SLC25A21: variants seen among roughly 807,000 people sequenced by gnomAD.
SLC25A21 encodes solute carrier family 25 member 21.
A neutral mutation model predicts 43.8 loss-of-function variants in SLC25A21; 47 were observed. The observed-to-expected ratio is 1.07, with a 90% CI of 0.85 to 1.37. The LOEUF is 1.37. SLC25A21 is among the 40% of genes most tolerant of loss of function. The pLI, the probability that SLC25A21 is intolerant of heterozygous loss-of-function variation, is 0.00. For missense variants in SLC25A21, 352 were observed against 350.2 expected, an observed-to-expected ratio of 1.00 and a Z score of -0.04; for synonymous variants, 131 against 121.3, an observed-to-expected ratio of 1.08 and a Z score of -0.52.
chr14:36,690,489 C>T (rs963267956), intron 7 of SLC25A21, among the ~76,000 whole-genome samples: 1 of 152,148 alleles, frequency 6.6e-6, no homozygotes, highest in African/African-American at 2.4e-5. Flanking sequence ...ACTCCCAAGC[C>T]TATGTTTCTT....
intron 1 of SLC25A21, among the ~76,000 whole-genome samples, chr14:36,886,307 T>C (rs930599546): frequency 6.6e-6 from 1 of 152,214 alleles, no homozygotes; most frequent in Admixed American, 6.5e-5. Context: ...ACACACTGAA[T>C]TGGCCAAATA....
At position 37,094,818 on chromosome 14, in the gene SLC25A21, G is replaced by A. The variant is rs544906828; in HGVS notation, c.70+77463C>T. ...AACTATGGTATATGGTATACAGAAT[G>A]AAGTCAAATACTGGTACCCAGGATA... On this transcript the variant is annotated intron_variant, in intron 1 of 9. Coordinates refer to ENST00000331299, the MANE Select transcript of SLC25A21 (RefSeq NM_030631.4). Among the ~76,000 whole-genome samples, 203 of 151,904 alleles carry A rather than the reference G, an allele frequency of 1.3e-3. 1 individual carries two copies. The highest frequency in any genetic ancestry group is 4.6e-3 in the African/African-American group (190 of 41,444).
At chr14:36,988,953 T>C (rs767075491) in intron 1 of SLC25A21, among the ~76,000 whole-genome samples, 1 of 152,268 alleles carries the variant, frequency 6.6e-6, no homozygotes, top group African/African-American at 2.4e-5. Context: ...ATAGAATATC[T>C]TTAAGAGGTT....
chr14:37,161,853 C>T (rs1963946389), intron 1 of SLC25A21, among the ~76,000 whole-genome samples: 1 of 151,006 alleles, frequency 6.6e-6, no homozygotes, highest in Non-Finnish European at 1.5e-5. Context: ...GTCCCAGCTA[C>T]TCGGCAGGCT....
intron 1 of SLC25A21, among the ~76,000 whole-genome samples, chr14:37,118,451 G>T (rs1020431715): frequency 1.3e-5 from 2 of 152,152 alleles, no homozygotes; most frequent in Non-Finnish European, 2.9e-5. Context: ...AGGCTGATTT[G>T]AGTAATAATA....
intron 7 of SLC25A21, among the ~76,000 whole-genome samples, chr14:36,692,067 C>T (rs1170578379): frequency 6.6e-6 from 1 of 152,206 alleles, no homozygotes; most frequent in Non-Finnish European, 1.5e-5. Context: ...TCCAAAGACA[C>T]ATGGCTAACT....
intron 1 of SLC25A21, among the ~76,000 whole-genome samples, chr14:36,878,246 C>T (rs964310016): frequency 1.3e-5 from 2 of 152,032 alleles, no homozygotes; most frequent in Non-Finnish European, 2.9e-5. Flanking sequence ...TGTGACATGG[C>T]CAAAAGGAAA....
At chr14:37,142,615 C>T (rs1452906713) in intron 1 of SLC25A21, among the ~76,000 whole-genome samples, 2 of 152,142 alleles carry the variant, frequency 1.3e-5, no homozygotes, top group Admixed American at 1.3e-4. Flanking sequence ...TCCCGAGTAG[C>T]TGGGATTAGG....
intron 1 of SLC25A21, among the ~76,000 whole-genome samples, chr14:36,933,917 GAGA>G (rs1469510538): frequency 2.0e-5 from 3 of 152,264 alleles, no homozygotes; most frequent in Non-Finnish European, 4.4e-5. Context: ...AGAGACAGAT[GAGA>G]AGATTTTTGA....
intron 1 of SLC25A21, among the ~76,000 whole-genome samples, chr14:37,035,038 G>C (rs1413366449): frequency 6.6e-6 from 1 of 152,188 alleles, no homozygotes; most frequent in Non-Finnish European, 1.5e-5. Context: ...CTGATGCTCT[G>C]AATCTTTGCT....
chr14:36,690,962 A>G (rs1177997078), intron 7 of SLC25A21, among the ~76,000 whole-genome samples: 1 of 152,202 alleles, frequency 6.6e-6, no homozygotes, highest in Non-Finnish European at 1.5e-5. Flanking sequence ...CTGGAGGAAG[A>G]AGATGAGAAT....
chr14:36,780,470 C>T (rs963853130), intron 3 of SLC25A21, among the ~76,000 whole-genome samples: 1 of 151,986 alleles, frequency 6.6e-6, no homozygotes, highest in South Asian at 2.1e-4. Context: ...GCATTTATTG[C>T]TATAAAATTC....
At chr14:36,916,014 T>C (rs1349488902) in intron 1 of SLC25A21, among the ~76,000 whole-genome samples, 2 of 152,208 alleles carry the variant, frequency 1.3e-5, no homozygotes, top group African/African-American at 4.8e-5. Context: ...TCCACAAGGA[T>C]TTCTGTGAAA....
chr14:37,010,771 G>T (rs1484022942), intron 1 of SLC25A21, among the ~76,000 whole-genome samples: 2 of 152,050 alleles, frequency 1.3e-5, no homozygotes, highest in African/African-American at 4.8e-5. Context: ...TAGAGACAGG[G>T]TCTTGATCTT....
chr14:36,779,362 T>A (rs1411045873), intron 3 of SLC25A21, among the ~76,000 whole-genome samples: 1 of 144,940 alleles, frequency 6.9e-6, no homozygotes, highest in African/African-American at 2.5e-5. Context: ...AGGAATTATA[T>A]ATCTCTCTCT....
chr14:36,954,969 C>T (rs1959297644), intron 1 of SLC25A21, among the ~76,000 whole-genome samples: 1 of 152,182 alleles, frequency 6.6e-6, no homozygotes, highest in Admixed American at 6.5e-5. Context: ...TACCTCCCAA[C>T]CCTATATATA....
At chr14:37,140,025 C>T (rs1244580878) in intron 1 of SLC25A21, among the ~76,000 whole-genome samples, 2 of 152,100 alleles carry the variant, frequency 1.3e-5, no homozygotes, top group African/African-American at 4.8e-5. Context: ...AGAAAAACAC[C>T]ATAGCTTCCC....
chr14:36,949,303 C>G (rs778042022), intron 1 of SLC25A21, among the ~76,000 whole-genome samples: 5 of 152,100 alleles, frequency 3.3e-5, no homozygotes, highest in Non-Finnish European at 7.4e-5. Context: ...TCCTCTTGAC[C>G]TTGGTGATGG....
intron 6 of SLC25A21, among the ~76,000 whole-genome samples, chr14:36,718,509 TTC>T (rs34338805): frequency 0.25 from 38,676 of 151,886 alleles, 5,069 homozygotes; most frequent in Middle Eastern, 0.35. Flanking sequence ...ATAACTCAAC[TTC>T]TCTCTCTCTC....
Sources: gnomAD v4.1 joint callset for allele counts (sites outside exome capture counted in the v4.1 genomes callset) on GRCh38, gnomAD v4.1.1 for gene constraint, MANE v1.5 for transcripts, NCBI Gene and HGNC (gene_info 2026-07-23, HGNC 2026-07-21) for gene names.